The following TENT4A variants were observed in gnomAD, a reference collection of about 807,000 sequenced individuals.
TENT4A encodes terminal nucleotidyltransferase 4A.
In TENT4A, 7 loss-of-function variants were observed where a neutral mutation model predicts 72.8. The ratio of observed to expected loss-of-function variants is 0.10; its 90% confidence interval spans 0.05 to 0.18. The LOEUF (loss-of-function observed/expected upper bound fraction) is 0.18, where lower values mean the gene tolerates loss of function less well. Ranked by LOEUF, TENT4A falls within the 10% of genes least tolerant of loss-of-function variation. TENT4A has a pLI of 1.00. For synonymous variants in TENT4A, 456 were observed against 434.3 expected (o/e 1.05, Z -0.62); for missense variants, 831 against 1,017.7 (o/e 0.82, Z 2.50).
intron 4 of TENT4A, among the ~76,000 whole-genome samples, 183 bp from the exon 5 acceptor site, chr5:6,742,307 G>A (rs1278743489): frequency 1.3e-5 from 2 of 152,120 alleles, no homozygotes; most frequent in Non-Finnish European, 2.9e-5. Flanking sequence ...GGGTCCTGCT[G>A]TGAGGGGCTG....
At chr5:6,740,301 A>T (rs28363357) in intron 4 of TENT4A, among the ~76,000 whole-genome samples, 2 of 152,174 alleles carry the variant, frequency 1.3e-5, no homozygotes, top group Non-Finnish European at 2.9e-5. Flanking sequence ...TCCAAAAAAT[A>T]TACATATATG....
chr5:6,719,798 T>C (rs1319068436), intron 1 of TENT4A, among the ~76,000 whole-genome samples: 2 of 152,226 alleles, frequency 1.3e-5, no homozygotes, highest in African/African-American at 2.4e-5. Flanking sequence ...GTGGTAGTTC[T>C]CTGTTGCTGT....
chr5:6,753,449 T>TC (rs1742522506), intron 12 of TENT4A, among the ~76,000 whole-genome samples: 1 of 152,228 alleles, frequency 6.6e-6, no homozygotes, highest in African/African-American at 2.4e-5. Flanking sequence ...CGTTGCCTGA[T>TC]CCCCGCCTGG....
rs868116868 is a variant in TENT4A, at chr5:6,714,150, C to G, written c.167C>G (p.Ala56Gly). Residue 56 changes from alanine to glycine, a missense_variant, in exon 1 of 13, where the codon GCG becomes GGG. Physicochemically the swap from Ala to Gly is moderately conservative, Grantham distance 60. Transcript: ENST00000230859. ...CTGGACACGGCGGCCGCGGCGGGGG[C>G]GGCCGGGCGGGGCAGTGGCGGCCTG... The part of the protein sequence containing the change: ...PALDTAAAAG[A>G]AGRGSGGLGP... 433 of 968,818 alleles carry G rather than the reference C, an allele frequency of 4.5e-4. No homozygotes were observed. In the African/African-American group the frequency reaches 7.4e-3, roughly 16 times the overall value. 60.0% of individuals were successfully genotyped at this position (968,818 alleles called of 1,614,324 possible).
chr5:6,754,202 T>TC (rs1405365614), intron 12 of TENT4A, among the ~76,000 whole-genome samples: 2 of 152,132 alleles, frequency 1.3e-5, no homozygotes, highest in African/African-American at 2.4e-5. Flanking sequence ...AGAATCTCAC[T>TC]CCATCACCCA....
At position 6,713,959 on chromosome 5, in the gene TENT4A, C is replaced by T. The variant is rs898426598; in HGVS notation, c.-25C>T. 7 of 944,962 alleles carry T rather than the reference C, an allele frequency of 7.4e-6. No homozygotes were observed. Among genetic ancestry groups the T allele is most frequent in the Non-Finnish European group, 8.8e-6 (7 of 796,164 alleles). The allele number at this position is 944,962 out of a possible 1,614,324, so 58.5% of individuals were successfully genotyped here. ...GGCCGCGTCGGGGCGGGCGGGCGCGCGGGCCCCGCGGGGGCGGCGCGTGGA... is the reference window on the plus strand; with the variant it reads ...GGCCGCGTCGGGGCGGGCGGGCGCGTGGGCCCCGCGGGGGCGGCGCGTGGA... On this transcript the variant is annotated 5_prime_UTR_variant, in exon 1 of 13. Coordinates refer to ENST00000230859, the MANE Select transcript of TENT4A (RefSeq NM_006999.6).
At chr5:6,737,654 T>G (rs1472126357) in intron 2 of TENT4A, 21 bp downstream of exon 2, 2 of 1,610,170 alleles carry the variant, frequency 1.2e-6, no homozygotes, top group Non-Finnish European at 1.7e-6. Flanking sequence ...TCTTTGGAGT[T>G]CTGTGTCGCA....
Position 6,743,694 on chromosome 5 carries a change from T to C in TENT4A, c.1117-18T>C. ...TATGGTAATTACTCAGTAAATCTTT[T>C]TCTTTTGGAATTTACAGAAATATTC... On this transcript the variant is annotated intron_variant, in intron 5 of 12. Coordinates refer to ENST00000230859, the MANE Select transcript of TENT4A (RefSeq NM_006999.6). 1 of 1,579,762 alleles carries C rather than the reference T, an allele frequency of 6.3e-7. No homozygotes were observed. Among genetic ancestry groups the C allele is most frequent in the Non-Finnish European group, 8.7e-7 (1 of 1,152,284 alleles).
chr5:6,754,675 G>C, intron 12 of TENT4A, 76 bp from the exon 13 acceptor site: 1 of 1,210,110 alleles, frequency 8.3e-7, no homozygotes, highest in Non-Finnish European at 1.1e-6. Context: ...TCGGTGCTTA[G>C]TGTGGTCACT....
intron 8 of TENT4A, 97 bp downstream of exon 8, chr5:6,748,687 A>G: frequency 7.8e-7 from 1 of 1,289,520 alleles, no homozygotes; most frequent in Admixed American, 1.8e-5. Flanking sequence ...TTATGAAGGG[A>G]TGTTCTGCCG....
chr5:6,755,630 A>G lies in TENT4A; in HGVS notation c.*685A>G, dbSNP rs1271702703. 1.3e-5 allele frequency: 2 copies of G among 152,306 alleles called. No individual in the cohort carries two copies. Among genetic ancestry groups the G allele is most frequent in the Non-Finnish European group, 2.9e-5 (2 of 68,004 alleles). 9.4% of individuals were successfully genotyped at this position (152,306 alleles called of 1,614,324 possible). On this transcript the variant is annotated 3_prime_UTR_variant, in exon 13 of 13. Coordinates refer to ENST00000230859, the MANE Select transcript of TENT4A (RefSeq NM_006999.6). ...ACCATGATGAGGGGTTTGGGGTTTT[A>G]TTTTGATGTCTTTTCTTTTGGTCGG...
At chr5:6,736,139 G>A (rs1400864329) in intron 1 of TENT4A, among the ~76,000 whole-genome samples, 2 of 152,238 alleles carry the variant, frequency 1.3e-5, no homozygotes, top group African/African-American at 4.8e-5. Context: ...TCATGAGCAA[G>A]CGTGCACAGC....
At chr5:6,728,676 A>G (rs1398715200) in intron 1 of TENT4A, among the ~76,000 whole-genome samples, 1 of 152,254 alleles carries the variant, frequency 6.6e-6, no homozygotes, top group Non-Finnish European at 1.5e-5. Context: ...GGCAGAGCCC[A>G]GAGGGAGCCC....
chr5:6,733,058 C>T (rs1464318935), intron 1 of TENT4A, among the ~76,000 whole-genome samples: 1 of 152,216 alleles, frequency 6.6e-6, no homozygotes, highest in African/African-American at 2.4e-5. Context: ...CCTTTGGCCC[C>T]ACCTCAGTTT....
At position 6,755,048 on chromosome 5, in the gene TENT4A, C is replaced by A; in HGVS notation, c.*103C>A. 9.7e-7 allele frequency: 1 copy of A among 1,027,114 alleles called. No individual in the cohort carries two copies. The highest frequency in any genetic ancestry group is 1.6e-5 in the African/African-American group (1 of 61,984). 63.6% of individuals were successfully genotyped at this position (1,027,114 alleles called of 1,614,324 possible). ...ACCAGCACCCCGCACGTCAGCCGGG[C>A]TCGCGGCACGCCCGCCGCTGATCAC... On this transcript the variant is annotated 3_prime_UTR_variant, in exon 13 of 13. Transcript: ENST00000230859.
At chr5:6,714,731 G>GCGGGGC in intron 1 of TENT4A, 32 bp downstream of exon 1, 1 of 844,250 alleles carries the variant, frequency 1.2e-6, no homozygotes, top group Non-Finnish European at 1.5e-6. Flanking sequence ...GGGGGCGGGG[G>GCGGGGC]CGGGGCCCAT....
intron 1 of TENT4A, among the ~76,000 whole-genome samples, chr5:6,716,272 A>G (rs1740383357): frequency 6.6e-6 from 1 of 152,048 alleles, no homozygotes; most frequent in Non-Finnish European, 1.5e-5. Context: ...TGGGGCAGGG[A>G]CGGCATGGGA....
chr5:6,721,874 C>G (rs914995542), intron 1 of TENT4A, among the ~76,000 whole-genome samples: 1 of 152,108 alleles, frequency 6.6e-6, no homozygotes, highest in African/African-American at 2.4e-5. Flanking sequence ...AGTTAGTTTC[C>G]CAAGTGCTAG....
intron 6 of TENT4A, chr5:6,745,818 A>T (rs918448169): frequency 6.6e-6 from 2 of 303,652 alleles, no homozygotes; most frequent in South Asian, 6.0e-5. Context: ...TCTAACACTG[A>T]CCCCTGTTGG....
Sources: gnomAD v4.1 joint callset for allele counts (sites outside exome capture counted in the v4.1 genomes callset) on GRCh38, gnomAD v4.1.1 for gene constraint, MANE v1.5 for transcripts, NCBI Gene and HGNC (gene_info 2026-07-23, HGNC 2026-07-21) for gene names.